The following NEGR1 variants were observed in gnomAD, a reference collection of about 807,000 sequenced individuals.
The protein encoded by NEGR1 is neuronal growth regulator 1.
NEGR1 carries 10 observed loss-of-function variants against 40.9 expected under a neutral mutation model. The observed-to-expected ratio is 0.24, with a 90% CI of 0.15 to 0.42. The LOEUF (loss-of-function observed/expected upper bound fraction) is 0.42, where lower values mean the gene tolerates loss of function less well. Ranked by LOEUF, NEGR1 falls within the 10% of genes least tolerant of loss-of-function variation. The pLI is 1.00. For synonymous variants in NEGR1, 185 were observed against 166.8 expected (o/e 1.11, Z -0.84); for missense variants, 352 against 438.9 (o/e 0.80, Z 1.77).
chr1:71,689,921 A>C (rs1183697476), intron 4 of NEGR1, among the ~76,000 whole-genome samples: 2 of 152,054 alleles, frequency 1.3e-5, no homozygotes, highest in Non-Finnish European at 2.9e-5. Flanking sequence ...TTTAACATTT[A>C]TCATTTAACA....
chr1:71,800,054 A>G (rs1419964808), intron 2 of NEGR1, among the ~76,000 whole-genome samples: 1 of 152,066 alleles, frequency 6.6e-6, no homozygotes, highest in South Asian at 2.1e-4. Flanking sequence ...TTGGCATGAG[A>G]TGGTACCCCA....
intron 6 of NEGR1, among the ~76,000 whole-genome samples, chr1:71,451,917 C>T (rs1452265560): frequency 6.6e-6 from 1 of 152,132 alleles, no homozygotes; most frequent in African/African-American, 2.4e-5. Flanking sequence ...AGCTTAAATT[C>T]TTTTAGGACA....
At chr1:72,061,527 C>T (rs993052420) in intron 1 of NEGR1, among the ~76,000 whole-genome samples, 7 of 151,712 alleles carry the variant, frequency 4.6e-5, no homozygotes, top group Non-Finnish European at 8.8e-5. Context: ...TCTAATTCAA[C>T]ACCCAGCACT....
At chr1:72,210,568 T>G (rs1281342106) in intron 1 of NEGR1, among the ~76,000 whole-genome samples, 4 of 151,894 alleles carry the variant, frequency 2.6e-5, no homozygotes, top group African/African-American at 7.2e-5. Context: ...TCACTCAGAC[T>G]TCATGACAAT....
chr1:71,451,851 C>A (rs577354140), intron 6 of NEGR1, among the ~76,000 whole-genome samples: 3 of 152,098 alleles, frequency 2.0e-5, no homozygotes, highest in Non-Finnish European at 4.4e-5. Flanking sequence ...GTACATATTC[C>A]TGAAAACAAT....
intron 3 of NEGR1, among the ~76,000 whole-genome samples, chr1:71,722,284 C>T (rs1281668775): frequency 6.6e-6 from 1 of 152,044 alleles, no homozygotes; most frequent in Non-Finnish European, 1.5e-5. Context: ...ACCACCTCCT[C>T]CGTTTCCTAA....
intron 6 of NEGR1, among the ~76,000 whole-genome samples, chr1:71,569,567 G>A (rs1016339675): frequency 2.6e-5 from 4 of 152,236 alleles, no homozygotes; most frequent in East Asian, 1.9e-4. Flanking sequence ...CTAGACTACC[G>A]TTTGGGCGTT....
At chr1:71,730,554 A>C (rs1288236244) in intron 3 of NEGR1, among the ~76,000 whole-genome samples, 2 of 132,214 alleles carry the variant, frequency 1.5e-5, no homozygotes, top group East Asian at 4.8e-4. Context: ...TTATATGTGT[A>C]TATATAGTAT....
chr1:71,409,574 C>T (rs1557516535), intron 6 of NEGR1, among the ~76,000 whole-genome samples: 1 of 151,990 alleles, frequency 6.6e-6, no homozygotes, highest in South Asian at 2.1e-4. Context: ...GAGCTGACCA[C>T]CTCTTTTGTG....
intron 3 of NEGR1, among the ~76,000 whole-genome samples, chr1:71,698,631 T>C (rs755503855): frequency 8.6e-5 from 13 of 151,858 alleles, no homozygotes; most frequent in Non-Finnish European, 1.3e-4. Flanking sequence ...TATTTAACCA[T>C]TGCTATATTT....
intron 1 of NEGR1, among the ~76,000 whole-genome samples, chr1:72,013,206 G>C (rs1424998576): frequency 6.6e-6 from 1 of 151,872 alleles, no homozygotes; most frequent in Non-Finnish European, 1.5e-5. Flanking sequence ...ATTTGAATGA[G>C]CCCCAGAGGC....
At chr1:71,785,389 A>G (rs952499690) in intron 2 of NEGR1, among the ~76,000 whole-genome samples, 3 of 152,132 alleles carry the variant, frequency 2.0e-5, no homozygotes, top group African/African-American at 4.8e-5. Flanking sequence ...CACCAACTAT[A>G]TAACTTCAAA....
At chr1:72,249,048 T>C (rs757259852) in intron 1 of NEGR1, among the ~76,000 whole-genome samples, 3 of 152,226 alleles carry the variant, frequency 2.0e-5, no homozygotes, top group Non-Finnish European at 2.9e-5. Context: ...AATTCATATG[T>C]TGAAACCCAT....
At chr1:71,992,918 T>C (rs992623921) in intron 1 of NEGR1, among the ~76,000 whole-genome samples, 1 of 152,182 alleles carries the variant, frequency 6.6e-6, no homozygotes, top group Admixed American at 6.5e-5. Flanking sequence ...ACGTCTCCAA[T>C]ATAAAATAAG....
chr1:72,277,856 G>T (rs569770260), intron 1 of NEGR1, among the ~76,000 whole-genome samples: 1 of 152,228 alleles, frequency 6.6e-6, no homozygotes, highest in South Asian at 2.1e-4. Context: ...AACAGAAAAT[G>T]TGAGTCTTGA....
intron 2 of NEGR1, among the ~76,000 whole-genome samples, chr1:71,845,663 T>C (rs988075559): frequency 2.6e-5 from 4 of 151,988 alleles, no homozygotes; most frequent in Admixed American, 2.0e-4. Context: ...AAAACTGAGG[T>C]AGAAAGAGAG....
intron 1 of NEGR1, among the ~76,000 whole-genome samples, chr1:71,971,691 T>C (rs1418495282): frequency 1.3e-5 from 2 of 152,232 alleles, no homozygotes; most frequent in African/African-American, 4.8e-5. Context: ...CCATGCCACA[T>C]TCCACAATAT....
intron 1 of NEGR1, among the ~76,000 whole-genome samples, chr1:72,025,382 T>C (rs1646798165): frequency 1.3e-5 from 2 of 152,132 alleles, no homozygotes; most frequent in Admixed American, 6.5e-5. Flanking sequence ...GCAAAACTTG[T>C]TTATAAAAAT....
chr1:72,265,017 A>G (rs1425694894), intron 1 of NEGR1, among the ~76,000 whole-genome samples: 1 of 150,880 alleles, frequency 6.6e-6, no homozygotes, highest in Non-Finnish European at 1.5e-5. Flanking sequence ...TTTAACTGTC[A>G]TTTCTTCATA....
Sources: allele counts gnomAD v4.1 joint callset (sites outside exome capture counted in the v4.1 genomes callset), GRCh38; gene constraint gnomAD v4.1.1; transcripts MANE v1.5; gene names NCBI Gene and HGNC (gene_info 2026-07-23, HGNC 2026-07-21).